The following CNTNAP2 variants were observed in gnomAD, a reference collection of about 807,000 sequenced individuals.
CNTNAP2 encodes the protein contactin associated protein 2.
A neutral mutation model predicts 155.2 loss-of-function variants in CNTNAP2; 98 were observed. The observed-to-expected ratio is 0.63, with a 90% CI of 0.54 to 0.75. The LOEUF (loss-of-function observed/expected upper bound fraction) is 0.75, where lower values mean the gene tolerates loss of function less well. Among genes scored for constraint, CNTNAP2 ranks in the 30% least tolerant of loss-of-function variants. The pLI is 0.00. For missense variants in CNTNAP2, 1,727 were observed against 1,688.1 expected (o/e 1.02, Z -0.40); for synonymous variants, 651 against 631.2 (o/e 1.03, Z -0.47).
chr7:147,001,867 TA>T (rs1276401586), intron 3 of CNTNAP2, among the ~76,000 whole-genome samples: 16 of 151,908 alleles, frequency 1.1e-4, no homozygotes, highest in Non-Finnish European at 1.9e-4. Context: ...AAGGAAAGCT[TA>T]AAAAATTAAT....
At chr7:147,784,446 C>T in intron 13 of CNTNAP2, among the ~76,000 whole-genome samples, 1 of 105,262 alleles carries the variant, frequency 9.5e-6, no homozygotes, top group Non-Finnish European at 2.0e-5. Flanking sequence ...AAAATATATA[C>T]AGGTTTCTCA....
chr7:147,361,915 A>G (rs1049052271), intron 9 of CNTNAP2, among the ~76,000 whole-genome samples: 1 of 152,264 alleles, frequency 6.6e-6, no homozygotes, highest in South Asian at 2.1e-4. Context: ...TAAGGGGGTA[A>G]CTCAAAATTC....
chr7:147,980,830 C>G (rs1050003525), intron 15 of CNTNAP2, among the ~76,000 whole-genome samples: 5 of 146,784 alleles, frequency 3.4e-5, no homozygotes, highest in African/African-American at 1.0e-4. Context: ...ACTCGGGAGG[C>G]TGAGGCAGGA....
intron 1 of CNTNAP2, among the ~76,000 whole-genome samples, chr7:146,337,508 G>A (rs1337500878): frequency 6.6e-6 from 1 of 152,086 alleles, no homozygotes; most frequent in Admixed American, 6.6e-5. Context: ...ACCCAGGCTG[G>A]AGCACAGTGG....
intron 3 of CNTNAP2, among the ~76,000 whole-genome samples, chr7:146,989,795 A>G (rs1798177188): frequency 6.6e-6 from 1 of 152,092 alleles, no homozygotes; most frequent in Non-Finnish European, 1.5e-5. Flanking sequence ...TTGGCTCTCC[A>G]TTGGCAACAG....
chr7:147,283,673 A>G (rs1805105916), intron 8 of CNTNAP2, among the ~76,000 whole-genome samples: 1 of 152,038 alleles, frequency 6.6e-6, no homozygotes, highest in African/African-American at 2.4e-5. Context: ...GTATTGCTGG[A>G]TGACATCTTC....
chr7:148,363,766 T>A (rs1441346479), intron 21 of CNTNAP2, among the ~76,000 whole-genome samples: 2 of 152,254 alleles, frequency 1.3e-5, no homozygotes, highest in African/African-American at 4.8e-5. Context: ...AGCCCCTTTC[T>A]GGGCTGGCCA....
At chr7:147,858,809 T>C (rs1224441242) in intron 13 of CNTNAP2, among the ~76,000 whole-genome samples, 1 of 152,140 alleles carries the variant, frequency 6.6e-6, no homozygotes, top group African/African-American at 2.4e-5. Context: ...GTAAGATGCA[T>C]GGAAATATTC....
At chr7:146,610,186 A>G (rs1039611573) in intron 1 of CNTNAP2, among the ~76,000 whole-genome samples, 6 of 152,220 alleles carry the variant, frequency 3.9e-5, no homozygotes, top group African/African-American at 1.4e-4. Flanking sequence ...ATTTACAAAC[A>G]TGTAAACCTG....
chr7:146,817,380 G>A (rs1049209755), intron 2 of CNTNAP2, among the ~76,000 whole-genome samples: 1 of 151,866 alleles, frequency 6.6e-6, no homozygotes, highest in African/African-American at 2.4e-5. Flanking sequence ...GCTGAGGCAG[G>A]AGAATTGCTT....
intron 12 of CNTNAP2, among the ~76,000 whole-genome samples, chr7:147,618,946 C>T (rs1801343982): frequency 6.6e-6 from 1 of 152,076 alleles, no homozygotes; most frequent in African/African-American, 2.4e-5. Context: ...GTGCTCATGT[C>T]AACATGACTA....
intron 20 of CNTNAP2, among the ~76,000 whole-genome samples, chr7:148,238,350 A>G (rs1386837399): frequency 9.2e-5 from 14 of 152,146 alleles, no homozygotes; most frequent in Admixed American, 6.5e-4. Flanking sequence ...TCCATCTCAA[A>G]AAAAAAGAAG....
intron 23 of CNTNAP2, among the ~76,000 whole-genome samples, chr7:148,410,920 G>A (rs186807768): frequency 6.6e-6 from 1 of 152,204 alleles, no homozygotes; most frequent in East Asian, 1.9e-4. Context: ...ACTGTACTTG[G>A]TTGATGAACC....
chr7:146,862,302 A>G (rs1163133632), intron 3 of CNTNAP2, among the ~76,000 whole-genome samples: 1 of 152,172 alleles, frequency 6.6e-6, no homozygotes, highest in African/African-American at 2.4e-5. Flanking sequence ...TGTAACATAA[A>G]AAGAGCTGTA....
chr7:146,455,222 C>G (rs1290064788), intron 1 of CNTNAP2, among the ~76,000 whole-genome samples: 1 of 152,178 alleles, frequency 6.6e-6, no homozygotes, highest in Admixed American at 6.5e-5. Context: ...TTGCAGAGAA[C>G]AGTATCTCTC....
chr7:146,475,013 G>GCGCACACACACACACA (rs71525954), intron 1 of CNTNAP2, among the ~76,000 whole-genome samples: 3 of 144,302 alleles, frequency 2.1e-5, no homozygotes, highest in African/African-American at 7.9e-5. Flanking sequence ...GCGCGCGCGC[G>GCGCACACACACACACA]CACACACACA....
chr7:147,834,444 T>G (rs1171263968), intron 13 of CNTNAP2, among the ~76,000 whole-genome samples: 1 of 152,210 alleles, frequency 6.6e-6, no homozygotes. Context: ...AACTACAGAG[T>G]GTTGTAAAAA....
At chr7:147,645,666 A>G (rs903227751) in intron 13 of CNTNAP2, among the ~76,000 whole-genome samples, 8 of 152,212 alleles carry the variant, frequency 5.3e-5, no homozygotes, top group East Asian at 1.9e-4. Flanking sequence ...GAGAACCTCA[A>G]CTGGAATAAT....
chr7:147,633,316 A>G (rs1563031157), intron 12 of CNTNAP2, among the ~76,000 whole-genome samples: 1 of 152,234 alleles, frequency 6.6e-6, no homozygotes, highest in African/African-American at 2.4e-5. Flanking sequence ...CAGAGGATGT[A>G]TGGAAATGCC....
Sources: gnomAD v4.1 joint callset for allele counts (sites outside exome capture counted in the v4.1 genomes callset) on GRCh38, gnomAD v4.1.1 for gene constraint, MANE v1.5 for transcripts, NCBI Gene and HGNC (gene_info 2026-07-23, HGNC 2026-07-21) for gene names.